The following TTC19 variants were observed in gnomAD, a reference collection of about 807,000 sequenced individuals.
TTC19 encodes the protein tetratricopeptide repeat domain 19.
A neutral mutation model predicts 49.5 loss-of-function variants in TTC19; 38 were observed. That is an observed-to-expected ratio of 0.77 (90% CI 0.59 to 1.01). TTC19 has a LOEUF of 1.01. TTC19 is among the 50% of genes least tolerant of loss of function. The pLI is 0.00. For missense variants in TTC19, 475 were observed against 477.7 expected (o/e 0.99, Z 0.05); for synonymous variants, 204 against 185.2 (o/e 1.10, Z -0.83).
Position 16,004,600 on chromosome 17 carries a change from T to C in TTC19, c.581+338T>C, listed in dbSNP as rs147701199. Among the ~76,000 whole-genome samples the C allele has an allele frequency of 5.9e-5, 9 of 152,292 alleles. No individual in the cohort carries two copies. In the East Asian group the frequency reaches 1.2e-3, roughly 20 times the overall value. On this transcript the variant is annotated intron_variant, in intron 6 of 9. Transcript: ENST00000261647. The stretch of plus-strand genomic sequence containing the variant: ...AGAGCAGTGTGAAAGCTGCTGGGGA[T>C]AATATATTAATACTCTGAAGAAGCC...
chr17:16,000,579 A>G (rs1970694206), intron 2 of TTC19: 1 of 369,058 alleles, frequency 2.7e-6, no homozygotes, highest in Non-Finnish European at 4.2e-6. Flanking sequence ...TTTCGCACGT[A>G]TATAGCGGCC....
chr17:16,008,347 A>G (rs530484983), intron 7 of TTC19, among the ~76,000 whole-genome samples: 1 of 152,304 alleles, frequency 6.6e-6, no homozygotes, highest in East Asian at 1.9e-4. Flanking sequence ...AGTCAGCCCC[A>G]GATTTGTAAA....
chr17:16,020,554 C>T (rs1250390472), intron 7 of TTC19, among the ~76,000 whole-genome samples: 2 of 152,082 alleles, frequency 1.3e-5, no homozygotes, highest in African/African-American at 4.8e-5. Flanking sequence ...GTAATGACAT[C>T]TCTATATTGG....
chr17:16,029,839 A>G (rs1567592457), downstream of TTC19: 1 of 152,640 alleles, frequency 6.6e-6, no homozygotes, highest in African/African-American at 2.4e-5. Flanking sequence ...TAATACGCAC[A>G]TGCATTATGA....
At position 16,027,632 on chromosome 17, in the gene TTC19, G is replaced by C. The variant is rs560959019; in HGVS notation, c.*110G>C. On this transcript the variant is annotated 3_prime_UTR_variant, in exon 10 of 10. Coordinates refer to ENST00000261647, the MANE Select transcript of TTC19 (RefSeq NM_017775.4). ...TTAAATCTGTCGTTTTTGATATTCA[G>C]GTTTCCTCAATTTAGCCTTAGTGAA... 12 of 1,349,424 alleles carry C rather than the reference G, an allele frequency of 8.9e-6. No homozygotes were observed. Among genetic ancestry groups the C allele is most frequent in the Admixed American group, 7.2e-5 (4 of 55,538 alleles). 83.6% of individuals were successfully genotyped at this position (1,349,424 alleles called of 1,614,324 possible). A position where few individuals can be genotyped will look rare whatever the true frequency, so the allele number is the denominator to read the frequency against.
intron 7 of TTC19, among the ~76,000 whole-genome samples, chr17:16,021,212 C>T (rs543511499): frequency 6.6e-6 from 1 of 152,096 alleles, no homozygotes; most frequent in South Asian, 2.1e-4. Flanking sequence ...ATTGTGAAAC[C>T]CCGTCTCTAA....
intron 7 of TTC19, among the ~76,000 whole-genome samples, chr17:16,007,883 A>T (rs1970958790): frequency 6.6e-6 from 1 of 152,204 alleles, no homozygotes; most frequent in Non-Finnish European, 1.5e-5. Context: ...GGATCACTGT[A>T]CACCAATTTT....
At chr17:16,023,173 C>T (rs541438058) in intron 7 of TTC19, 1 of 152,160 alleles carries the variant, frequency 6.6e-6, no homozygotes, top group African/African-American at 2.4e-5. Context: ...AAAGTGTTTC[C>T]ATTTTTCTTG....
At chr17:16,016,211 T>C (rs1971210347) in intron 7 of TTC19, among the ~76,000 whole-genome samples, 1 of 152,214 alleles carries the variant, frequency 6.6e-6, no homozygotes, top group African/African-American at 2.4e-5. Context: ...TATTTTCATG[T>C]ATCTCAAGTA....
intron 2 of TTC19, among the ~76,000 whole-genome samples, chr17:16,044,035 G>T (rs1430847540): frequency 1.3e-5 from 2 of 152,020 alleles, no homozygotes; most frequent in Non-Finnish European, 2.9e-5. Flanking sequence ...CGGATATGGT[G>T]GCTGGTGCCT....
chr17:16,017,493 C>T (rs2151668324), intron 7 of TTC19, among the ~76,000 whole-genome samples: 2 of 149,048 alleles, frequency 1.3e-5, no homozygotes, highest in South Asian at 4.2e-4. Flanking sequence ...GGTGCAGTGG[C>T]TCACGCCTGT....
Position 16,009,021 on chromosome 17 carries a change from A to T in TTC19, c.676+2453A>T, listed in dbSNP as rs73978597. Among the ~76,000 whole-genome samples, 301 of 149,542 alleles carry T rather than the reference A, an allele frequency of 2.0e-3. 2 individuals carry two copies. Among genetic ancestry groups the T allele is most frequent in the African/African-American group, 7.4e-3 (286 of 38,896 alleles). ...AAGAAGGATAGAGACTTCATCCATTATACTCAGTGCTAAATCCTCGGTGCC... is the reference window on the plus strand; with the variant it reads ...AAGAAGGATAGAGACTTCATCCATTTTACTCAGTGCTAAATCCTCGGTGCC... On this transcript the variant is annotated intron_variant, in intron 7 of 9. Coordinates refer to ENST00000261647, the MANE Select transcript of TTC19 (RefSeq NM_017775.4).
rs1293359000 is a variant in TTC19, at chr17:16,028,330, C to T, written c.*808C>T. 2.2e-6 allele frequency: 1 copy of T among 453,914 alleles called. No individual in the cohort carries two copies. The highest frequency in any genetic ancestry group is 4.4e-6 in the Non-Finnish European group (1 of 226,786). 28.1% of individuals were successfully genotyped at this position (453,914 alleles called of 1,614,324 possible). On this transcript the variant is annotated 3_prime_UTR_variant, in exon 10 of 10. Transcript: ENST00000261647. ...CAGGCTGTTCTGAGTCAGAATAGGCCCCTACAGGTATATTTTAAAACTCTT... is the reference window on the plus strand; with the variant it reads ...CAGGCTGTTCTGAGTCAGAATAGGCTCCTACAGGTATATTTTAAAACTCTT...
At chr17:16,034,966 A>C (rs1412431062) in intron 2 of TTC19, 2 of 1,611,212 alleles carry the variant, frequency 1.2e-6, no homozygotes, top group Non-Finnish European at 1.7e-6. Context: ...ATTCAAGTTA[A>C]AGTATTAATA....
downstream of TTC19, among the ~76,000 whole-genome samples, chr17:16,034,063 T>TTAGAA (rs940774640): frequency 1.1e-4 from 16 of 152,212 alleles, no homozygotes; most frequent in African/African-American, 3.9e-4. Flanking sequence ...CCTAAGAACT[T>TTAGAA]TTTCTAAGAA....
Position 16,002,282 on chromosome 17 carries a change from G to A in TTC19, c.423+257G>A, listed in dbSNP as rs8072652. Among the ~76,000 whole-genome samples the A allele has an allele frequency of 0.064, 9,734 of 152,140 alleles. 793 individuals carry two copies. The highest frequency in any genetic ancestry group is 0.19 in the African/African-American group (7,892 of 41,470). On this transcript the variant is annotated intron_variant, in intron 3 of 9. Transcript: ENST00000261647. ...CAGCCTCCGCCTCATGAGTTCAGACGATTCTTTTGCCTCACCCTCCCGAGT... is the reference window on the plus strand; with the variant it reads ...CAGCCTCCGCCTCATGAGTTCAGACAATTCTTTTGCCTCACCCTCCCGAGT...
At chr17:16,007,288 A>G (rs1970939774) in intron 7 of TTC19, among the ~76,000 whole-genome samples, 1 of 152,206 alleles carries the variant, frequency 6.6e-6, no homozygotes, top group Non-Finnish European at 1.5e-5. Context: ...TCTTATATAT[A>G]TGTACCTATG....
At chr17:16,022,087 G>GGGTTGT (rs75933249) in intron 7 of TTC19, among the ~76,000 whole-genome samples, 64,769 of 149,580 alleles carry the variant, frequency 0.43, 15,435 homozygotes, top group Middle Eastern at 0.57. Flanking sequence ...GCTTTTCCTG[G>GGGTTGT]GGTTGTGGTC....
intron 2 of TTC19, among the ~76,000 whole-genome samples, chr17:16,036,307 C>A (rs1007133512): frequency 1.3e-5 from 2 of 152,176 alleles, no homozygotes; most frequent in African/African-American, 4.8e-5. Context: ...ATTCAGCAAG[C>A]CATTCTGTAA....
Sources: gnomAD v4.1 joint callset for allele counts (sites outside exome capture counted in the v4.1 genomes callset) on GRCh38, gnomAD v4.1.1 for gene constraint, MANE v1.5 for transcripts, NCBI Gene and HGNC (gene_info 2026-07-23, HGNC 2026-07-21) for gene names.